Variants in WRN observed in about 807,000 individuals in gnomAD.
WRN encodes bifunctional 3'-5' exonuclease/ATP-dependent helicase WRN.
Under a neutral mutation model 180.7 loss-of-function variants are expected in WRN, and 149 were observed. That is an observed-to-expected ratio of 0.82 (90% confidence interval 0.72 to 0.94). The LOEUF (loss-of-function observed/expected upper bound fraction) is 0.94, where lower values mean the gene tolerates loss of function less well. Among genes scored for constraint, WRN ranks in the 40% least tolerant of loss-of-function variants. The pLI is 0.00. For missense variants in WRN, 1,661 were observed against 1,700.1 expected, an observed-to-expected ratio of 0.98 and a Z score of 0.40; for synonymous variants, 548 against 568.9, an observed-to-expected ratio of 0.96 and a Z score of 0.52.
chr8:31,121,085 T>A (rs1383630633), intron 21 of WRN, among the ~76,000 whole-genome samples: 1 of 151,976 alleles, frequency 6.6e-6, no homozygotes. Flanking sequence ...TCTATGAGAT[T>A]TTTTGTTGTA....
rs763527235 is a variant in WRN at position 31,120,432 on chromosome 8, A to T, written c.2630+8A>T. 1.2e-6 allele frequency: 2 copies of T among 1,610,496 alleles called. No homozygotes were observed. The highest frequency in any genetic ancestry group is 2.2e-5 in the South Asian group (2 of 90,742). On this transcript the variant is annotated splice_region_variant and intron_variant, in intron 21 of 34. Coordinates refer to ENST00000298139, the MANE Select transcript of WRN (RefSeq NM_000553.6). Reference sequence around the variant, plus strand: ...AGACATTAACTTAAATAGGTAAAAAAAATTTATTGTTTTTACTCTTGCAGA... The same window carrying T: ...AGACATTAACTTAAATAGGTAAAAATAATTTATTGTTTTTACTCTTGCAGA...
At chr8:31,038,512 TG>T (rs1332474040) in intron 1 of WRN, among the ~76,000 whole-genome samples, 2 of 152,076 alleles carry the variant, frequency 1.3e-5, no homozygotes, top group African/African-American at 4.8e-5. Flanking sequence ...TCCCATTTTG[TG>T]GGTTTTCTTC....
chr8:31,125,951 A>T (rs1801913520), intron 23 of WRN, among the ~76,000 whole-genome samples: 1 of 147,554 alleles, frequency 6.8e-6, no homozygotes, highest in African/African-American at 2.6e-5. Context: ...AATCATCACA[A>T]CCAAGAAGAC....
chr8:31,042,300 A>G (rs1811690122), intron 1 of WRN, among the ~76,000 whole-genome samples: 1 of 152,206 alleles, frequency 6.6e-6, no homozygotes, highest in African/African-American at 2.4e-5. Context: ...TGGATATTAT[A>G]CATCAAAGCT....
chr8:31,158,750 T>C (rs1803488110), intron 33 of WRN, among the ~76,000 whole-genome samples: 1 of 151,902 alleles, frequency 6.6e-6, no homozygotes, highest in Non-Finnish European at 1.5e-5. Flanking sequence ...GTGACTTGAC[T>C]GAAGGTCTAA....
intron 18 of WRN, among the ~76,000 whole-genome samples, chr8:31,102,831 T>C (rs1039090607): frequency 3.9e-5 from 6 of 152,114 alleles, no homozygotes; most frequent in Admixed American, 3.9e-4. Flanking sequence ...ATTTTCTTTC[T>C]TCAATAATAA....
intron 6 of WRN, 53 bp downstream of exon 6, chr8:31,067,235 T>C (rs1453546214): frequency 6.3e-7 from 1 of 1,594,844 alleles, no homozygotes; most frequent in Non-Finnish European, 8.5e-7. Context: ...AACATTATTA[T>C]AAATGACTTT....
chr8:31,154,635 T>G lies in WRN; in HGVS notation c.3699T>G (p.Phe1233Leu), dbSNP rs761162177. The G allele has an allele frequency of 2.5e-6, 4 of 1,612,744 alleles. No homozygotes were observed. The East Asian group carries it at 8.9e-5, about 36-fold the overall frequency. Residue 1233 changes from phenylalanine (F) to leucine (L), a missense_variant, in exon 32 of 35, where the codon TTT becomes TTG. Phe to Leu is a conservative substitution (Grantham distance 22). Transcript: ENST00000298139. ...CQTNSVQTDLFSSTKPQEEQK... is the reference protein window; with the variant it reads ...CQTNSVQTDLLSSTKPQEEQK... ...TAAAAATTCTGTAGACAGACCTCTT[T>G]TCAAGTACAAAACCTCAAGAAGAAC...
In WRN at chr8:31,130,017, A is replaced by C. The variant is rs1252575621; in HGVS notation, c.2826-2348A>C. Among the ~76,000 whole-genome samples, 35 of 139,778 alleles carry C rather than the reference A, an allele frequency of 2.5e-4. 1 individual carries two copies. The highest frequency in any genetic ancestry group is 1.0e-3 in the African/African-American group (34 of 33,388). 91.7% of individuals were successfully genotyped at this position (139,778 alleles called of 152,430 possible). A position where few individuals can be genotyped will look rare whatever the true frequency, so the allele number is the denominator to read the frequency against. On this transcript the variant is annotated intron_variant, in intron 23 of 34. Transcript: ENST00000298139. ...ACACTCTTGTCTCAAAAAAAAAACA[A>C]AACAAAACAAAAAAAAAAACTAGTA...
At chr8:31,149,242 A>G (rs11574366) in intron 30 of WRN, among the ~76,000 whole-genome samples, 2,138 of 151,552 alleles carry the variant, frequency 0.014, 26 homozygotes, top group Admixed American at 0.02. Flanking sequence ...CTAAAAATAC[A>G]AAAAATTAGC....
chr8:31,094,644 G>A (rs1813886006), intron 16 of WRN, among the ~76,000 whole-genome samples: 1 of 152,104 alleles, frequency 6.6e-6, no homozygotes, highest in South Asian at 2.1e-4. Flanking sequence ...ACTCTGCCCG[G>A]CCTATTATCT....
chr8:31,072,454 A>C (rs1465440761), intron 7 of WRN, among the ~76,000 whole-genome samples: 1 of 152,136 alleles, frequency 6.6e-6, no homozygotes. Flanking sequence ...CAAGAGAATG[A>C]GGTGGGTGGA....
chr8:31,147,382 T>C lies in WRN; in HGVS notation c.3478T>C (p.Leu1160=). 1.2e-6 allele frequency: 2 copies of C among 1,614,030 alleles called. No homozygotes were observed. Among genetic ancestry groups the C allele is most frequent in the South Asian group, 1.1e-5 (1 of 91,082 alleles). Residue 1160 remains leucine (L), a synonymous_variant, in exon 30 of 35, where the codon TTG becomes CTG. Transcript: ENST00000298139. ...TGTTCAGATTGTGTTATATGGCAAA[T>C]TGGTAGAAGCTAGGCAGAAACATGC... ...QETQIVLYGK[L]VEARQKHANK...
chr8:31,143,470 A>G (rs1318172495), intron 27 of WRN, 80 bp from the exon 28 acceptor site: 3 of 968,610 alleles, frequency 3.1e-6, no homozygotes, highest in Non-Finnish European at 4.8e-6. Flanking sequence ...TGTGATTTTG[A>G]GATTTTTGTT....
At position 31,115,128 on chromosome 8, in the gene WRN, T is replaced by A. The variant is rs113611084; in HGVS notation, c.2274-1226T>A. Reference sequence around the variant, plus strand: ...CCAGGCTGGTCTCGAACTTCTGAGCTCAGGTAATCCGCCCGCCTTGGCATC... The same window carrying A: ...CCAGGCTGGTCTCGAACTTCTGAGCACAGGTAATCCGCCCGCCTTGGCATC... On this transcript the variant is annotated intron_variant, in intron 19 of 34. Transcript: ENST00000298139. Among the ~76,000 whole-genome samples, 288 of 152,270 alleles carry A rather than the reference T, an allele frequency of 1.9e-3. 2 individuals are homozygous for A. Among genetic ancestry groups the A allele is most frequent in the African/African-American group, 6.6e-3 (273 of 41,566 alleles).
chr8:31,080,264 GC>G (rs1379308124), intron 8 of WRN, among the ~76,000 whole-genome samples: 1 of 152,014 alleles, frequency 6.6e-6, no homozygotes, highest in East Asian at 1.9e-4. Flanking sequence ...TTATATACAG[GC>G]CAGCTCTTTG....
At position 31,142,628 on chromosome 8, in the gene WRN, C is replaced by T. The variant is rs3087414; in HGVS notation, c.3236C>T (p.Ser1079Leu). ...AATTTAATTTTATTATTTTTTAGTT[C>T]GAAAACTGTATCTTCGGGCACCAAA... ...LCPKKLLLPS[S>L]KTVSSGTKEH... Residue 1079 changes from serine to leucine, a missense_variant and splice_region_variant, in exon 27 of 35, where the codon TCG becomes TTG. Coordinates refer to ENST00000298139, the MANE Select transcript of WRN (RefSeq NM_000553.6). The T allele has an allele frequency of 3.2e-3, 5,130 of 1,593,104 alleles. 88 individuals are homozygous for T. The African/African-American group carries it at 0.049, about 15-fold the overall frequency.
At chr8:31,074,066 G>A (rs980779792) in intron 7 of WRN, among the ~76,000 whole-genome samples, 4 of 151,496 alleles carry the variant, frequency 2.6e-5, no homozygotes, top group African/African-American at 4.9e-5. Context: ...ACGGGTGCCC[G>A]CCACCATGCC....
At chr8:31,149,452 G>T (rs1339306262) in intron 30 of WRN, among the ~76,000 whole-genome samples, 1 of 123,944 alleles carries the variant, frequency 8.1e-6, no homozygotes, top group Non-Finnish European at 1.6e-5. Context: ...CTTTAATAGA[G>T]GTGTTTTTTT....
Sources: allele counts gnomAD v4.1 joint callset (sites outside exome capture counted in the v4.1 genomes callset), GRCh38; gene constraint gnomAD v4.1.1; transcripts MANE v1.5; gene names NCBI Gene and HGNC (gene_info 2026-07-23, HGNC 2026-07-21).